The following NPIPB15 variants were observed in gnomAD, a reference collection of about 807,000 sequenced individuals.
NPIPB15 encodes nuclear pore complex interacting protein family member B15, also known as nuclear pore complex-interacting protein family member B15.
NPIPB15 carries 5 observed loss-of-function variants against 35.9 expected under a neutral mutation model. The observed-to-expected ratio is 0.14, with a 90% CI of 0.07 to 0.29. The LOEUF (loss-of-function observed/expected upper bound fraction) is 0.29. NPIPB15 is among the 10% of genes least tolerant of loss of function. The probability of loss-of-function intolerance (pLI) is 1.00; values close to 1 mark genes in which losing one functional copy is unlikely to be tolerated. For synonymous variants in NPIPB15, 43 were observed against 182.0 expected (o/e 0.24, Z 6.15); for missense variants, 100 against 506.1 (o/e 0.20, Z 7.70).
At chr16:74,384,496 G>C (rs1396813038) in intron 3 of NPIPB15, among the ~76,000 whole-genome samples, 7 of 96,338 alleles carry the variant, frequency 7.3e-5, no homozygotes, top group South Asian at 4.4e-4. Context: ...AGCCTCCCGA[G>C]TAGCTGGGAC....
In NPIPB15 at chr16:74,377,118, G is replaced by A. The variant is rs2011697560; in HGVS notation, c.-251G>A. 1.5e-5 allele frequency among the ~76,000 whole-genome samples: 2 copies of A among 137,652 alleles called. No homozygotes were observed. Among genetic ancestry groups the A allele is most frequent in the Non-Finnish European group, 3.1e-5 (2 of 64,044 alleles). 90.3% of individuals were successfully genotyped at this position (137,652 alleles called of 152,430 possible). On this transcript the variant is annotated 5_prime_UTR_variant, in exon 1 of 8. Transcript: ENST00000692376. ...GATGTGATGGAGATGGTTTACTATC[G>A]GGACCTTCCGCATCCTGCTGATGTT...
At chr16:74,391,027 G>T (rs1391255729) in intron 7 of NPIPB15, 1 of 780,688 alleles carries the variant, frequency 1.3e-6, no homozygotes, top group Non-Finnish European at 1.5e-6. Flanking sequence ...ATGCTCTGGT[G>T]ATGGCTGTGA....
At position 74,376,750 on chromosome 16, in the gene NPIPB15, G is replaced by C. The variant is rs2011681988; in HGVS notation, c.-619G>C. ...TCACACAACCTTGTGCCACAAAGAGGAATTCCCAGGCCAGGGGGAGACATT... is the reference window on the plus strand; with the variant it reads ...TCACACAACCTTGTGCCACAAAGAGCAATTCCCAGGCCAGGGGGAGACATT... On this transcript the variant is annotated 5_prime_UTR_variant, in exon 1 of 8. Coordinates refer to ENST00000692376, the MANE Select transcript of NPIPB15 (RefSeq NM_001306094.2). Among the ~76,000 whole-genome samples the C allele has an allele frequency of 6.6e-6, 1 of 151,346 alleles. No individual in the cohort carries two copies. The highest frequency in any genetic ancestry group is 6.7e-5 in the Admixed American group (1 of 14,920).
At chr16:74,382,700 C>T (rs1370522664) in intron 3 of NPIPB15, among the ~76,000 whole-genome samples, 60 of 152,334 alleles carry the variant, frequency 3.9e-4, no homozygotes, top group Non-Finnish European at 6.8e-4. Context: ...GATAAAAGTA[C>T]TAATACCACA....
chr16:74,380,124 T>A (rs1344176848), intron 2 of NPIPB15, among the ~76,000 whole-genome samples: 1 of 149,444 alleles, frequency 6.7e-6, no homozygotes, highest in African/African-American at 2.4e-5. Context: ...AAAAGATAAC[T>A]ACTGGCCAGG....
intron 3 of NPIPB15, among the ~76,000 whole-genome samples, chr16:74,382,633 A>T (rs1462254306): frequency 6.6e-6 from 1 of 152,282 alleles, no homozygotes; most frequent in Non-Finnish European, 1.5e-5. Context: ...CTTACCATTC[A>T]TGACAGTAAA....
chr16:74,379,971 T>TTA (rs1354889562), intron 2 of NPIPB15, among the ~76,000 whole-genome samples: 4 of 145,878 alleles, frequency 2.7e-5, no homozygotes, highest in Non-Finnish European at 6.0e-5. Flanking sequence ...TTTTTTTTTT[T>TTA]ACTTATGCTG....
intron 1 of NPIPB15, among the ~76,000 whole-genome samples, 178 bp downstream of exon 1, chr16:74,377,524 C>G (rs1216939821): frequency 1.3e-5 from 2 of 152,124 alleles, no homozygotes; most frequent in Non-Finnish European, 2.9e-5. Flanking sequence ...AAGGGAGGGC[C>G]CAGACCGAAG....
rs1345971331 is a variant in NPIPB15 at position 74,381,108 on chromosome 16, A to G, written c.67-408A>G. On this transcript the variant is annotated intron_variant, in intron 2 of 7. Transcript: ENST00000692376. The stretch of plus-strand genomic sequence containing the variant: ...CAGTGAGCCGAGATTGCACCACTGC[A>G]CTCCAGCCTGGGCGACTGAGTGGAG... 8.6e-5 allele frequency among the ~76,000 whole-genome samples: 12 copies of G among 139,006 alleles called. No individual in the cohort carries two copies. In the South Asian group the frequency reaches 2.7e-3, roughly 32 times the overall value. The allele number at this position is 139,006 out of a possible 152,430, so 91.2% of individuals were successfully genotyped here.
At chr16:74,377,634 C>T (rs866193638) in intron 1 of NPIPB15, among the ~76,000 whole-genome samples, 2 of 151,988 alleles carry the variant, frequency 1.3e-5, no homozygotes, top group Non-Finnish European at 2.9e-5. Flanking sequence ...TGATCTTCTC[C>T]GTGACCTGTA....
chr16:74,379,739 G>A (rs1428764163), intron 2 of NPIPB15, among the ~76,000 whole-genome samples: 2 of 152,144 alleles, frequency 1.3e-5, no homozygotes, highest in Non-Finnish European at 2.9e-5. Context: ...ATAGGCACGT[G>A]CCACCATGCC....
intron 3 of NPIPB15, among the ~76,000 whole-genome samples, chr16:74,384,988 T>G (rs2012187890): frequency 9.1e-6 from 1 of 110,250 alleles, no homozygotes; most frequent in Non-Finnish European, 1.8e-5. Flanking sequence ...CCTCATGTCA[T>G]TCTTGTGTGT....
chr16:74,379,585 ATTT>A (rs547124371), intron 2 of NPIPB15, among the ~76,000 whole-genome samples: 226 of 124,432 alleles, frequency 1.8e-3, no homozygotes, highest in African/African-American at 5.0e-3. Context: ...CACCTTGGTA[ATTT>A]TTTTTTTTTT....
At chr16:74,387,360 T>C (rs1285530502) in intron 5 of NPIPB15, among the ~76,000 whole-genome samples, 2 of 149,030 alleles carry the variant, frequency 1.3e-5, no homozygotes, top group African/African-American at 5.0e-5. Flanking sequence ...GGGAAATGGA[T>C]TCCAAATGCG....
rs373188468 is a variant in NPIPB15, at chr16:74,391,521, A to G, written c.773A>G (p.Asp258Gly). ...CCAACTCAACAACATTCTATAACTG[A>G]TAACTCCCTGAGCCTCAAGACACCT... ...PPPTQQHSITDNSLSLKTPPE... is the reference protein window; with the variant it reads ...PPPTQQHSITGNSLSLKTPPE... Residue 258 changes from aspartate to glycine, a missense_variant, in exon 8 of 8, where the codon GAT becomes GGT. Coordinates refer to ENST00000692376, the MANE Select transcript of NPIPB15 (RefSeq NM_001306094.2). 2 of 1,614,064 alleles carry G rather than the reference A, an allele frequency of 1.2e-6. No individual in the cohort carries two copies. Among genetic ancestry groups the G allele is most frequent in the Non-Finnish European group, 8.5e-7 (1 of 1,179,884 alleles).
At chr16:74,380,417 G>T (rs111371572) in intron 2 of NPIPB15, among the ~76,000 whole-genome samples, 8,455 of 139,388 alleles carry the variant, frequency 0.061, 103 homozygotes, top group East Asian at 0.081. Flanking sequence ...CAAACAAAAA[G>T]AAAAGATAAT....
chr16:74,377,887 C>A (rs1426808332), intron 1 of NPIPB15, 65 bp from the exon 2 acceptor site: 2 of 1,217,418 alleles, frequency 1.6e-6, no homozygotes, highest in Non-Finnish European at 2.2e-6. Flanking sequence ...GATCCGGCCC[C>A]GGTCCCCGTC....
intron 1 of NPIPB15, among the ~76,000 whole-genome samples, chr16:74,377,617 G>A (rs140147678): frequency 0.023 from 3,475 of 151,368 alleles, 118 homozygotes; most frequent in African/African-American, 0.081. Context: ...GTGTCCTGTT[G>A]CTTCCCTGAT....
intron 5 of NPIPB15, among the ~76,000 whole-genome samples, chr16:74,389,271 G>A (rs1391251307): frequency 1.3e-5 from 2 of 150,366 alleles, no homozygotes; most frequent in Non-Finnish European, 2.9e-5. Flanking sequence ...GGGATATACT[G>A]AGAATGGGGA....
Sources: allele counts gnomAD v4.1 joint callset (sites outside exome capture counted in the v4.1 genomes callset), GRCh38; gene constraint gnomAD v4.1.1; transcripts MANE v1.5; gene names NCBI Gene and HGNC (gene_info 2026-07-23, HGNC 2026-07-21).